Variants in CDK14 observed in about 807,000 individuals in gnomAD.
CDK14 encodes the protein cyclin dependent kinase 14, also known as cyclin-dependent kinase 14.
In CDK14, 34 loss-of-function variants were observed where a neutral mutation model predicts 60.7. That is an observed-to-expected ratio of 0.56 (90% CI 0.43 to 0.75). The LOEUF is 0.75. CDK14 is among the 30% of genes least tolerant of loss of function. CDK14 has a pLI of 0.00. For synonymous variants in CDK14, 197 were observed against 203.7 expected (o/e 0.97, Z 0.28); for missense variants, 482 against 564.1 (o/e 0.85, Z 1.47).
intron 9 of CDK14, among the ~76,000 whole-genome samples, chr7:90,963,086 AGTGTGTGTGTGTGTGT>A (rs34662049): frequency 1.4e-5 from 2 of 142,080 alleles, no homozygotes; most frequent in Admixed American, 7.2e-5. Context: ...TCATCTTAAG[AGTGTGTGTGTGTGTGT>A]GTGTGTGTGT....
chr7:90,926,742 C>T (rs570071033), intron 8 of CDK14, among the ~76,000 whole-genome samples: 194 of 152,300 alleles, frequency 1.3e-3, no homozygotes, highest in Non-Finnish European at 2.4e-3. Flanking sequence ...ACACTAACTA[C>T]GCAGTAGCAC....
chr7:90,983,590 G>A (rs1015626189), intron 9 of CDK14, among the ~76,000 whole-genome samples: 1 of 151,534 alleles, frequency 6.6e-6, no homozygotes, highest in Non-Finnish European at 1.5e-5. Context: ...TGAGACAGGA[G>A]AATGGCGTGA....
chr7:90,642,082 T>C (rs1462392154), intron 2 of CDK14, among the ~76,000 whole-genome samples: 2 of 152,220 alleles, frequency 1.3e-5, no homozygotes, highest in Non-Finnish European at 2.9e-5. Flanking sequence ...TTATGGGAGC[T>C]ACAAGATGAG....
intron 5 of CDK14, among the ~76,000 whole-genome samples, chr7:90,829,843 T>C (rs541194451): frequency 6.6e-6 from 1 of 152,332 alleles, no homozygotes; most frequent in Admixed American, 6.5e-5. Context: ...TCATTAAATC[T>C]TAAAGCTCCA....
At chr7:90,809,846 A>G (rs7799864) in intron 5 of CDK14, among the ~76,000 whole-genome samples, 55,913 of 152,086 alleles carry the variant, frequency 0.37, 10,820 homozygotes, top group East Asian at 0.63. Flanking sequence ...GAACACCTCT[A>G]TGCAAATAAA....
chr7:91,120,373 T>C (rs754441864), intron 14 of CDK14, among the ~76,000 whole-genome samples: 1 of 152,218 alleles, frequency 6.6e-6, no homozygotes, highest in African/African-American at 2.4e-5. Flanking sequence ...GTCATCAGTA[T>C]ATAAAAGCCT....
At position 90,837,641 on chromosome 7, in the gene CDK14, A is replaced by G. The variant is rs1014765654; in HGVS notation, c.545-25534A>G. ...GTGGGGAGAAAGACATGTTGGGCCTAGAGAAGCCTGGCCAGAGTATCAGAG... is the reference window on the plus strand; with the variant it reads ...GTGGGGAGAAAGACATGTTGGGCCTGGAGAAGCCTGGCCAGAGTATCAGAG... On this transcript the variant is annotated intron_variant, in intron 5 of 14. Coordinates refer to ENST00000380050, the MANE Select transcript of CDK14 (RefSeq NM_001287135.2). 3.3e-5 allele frequency among the ~76,000 whole-genome samples: 5 copies of G among 152,292 alleles called. No homozygotes were observed. In the East Asian group the frequency reaches 7.7e-4, roughly 24 times the overall value.
At chr7:90,628,135 T>G (rs1799913472) in intron 2 of CDK14, among the ~76,000 whole-genome samples, 1 of 152,084 alleles carries the variant, frequency 6.6e-6, no homozygotes, top group African/African-American at 2.4e-5. Flanking sequence ...TATTTTTATT[T>G]TTGTAGAGAC....
intron 2 of CDK14, among the ~76,000 whole-genome samples, chr7:90,647,937 T>C (rs1051547508): frequency 6.6e-6 from 1 of 152,208 alleles, no homozygotes; most frequent in African/African-American, 2.4e-5. Flanking sequence ...TCAGGAGCAA[T>C]GCATGTTTAC....
At chr7:90,872,227 G>A (rs940726099) in intron 6 of CDK14, among the ~76,000 whole-genome samples, 1 of 152,138 alleles carries the variant, frequency 6.6e-6, no homozygotes, top group African/African-American at 2.4e-5. Flanking sequence ...TTGTGTTTTA[G>A]TGTAAACAAT....
At chr7:91,158,609 G>C (rs4728955) in intron 14 of CDK14, among the ~76,000 whole-genome samples, 78,939 of 151,968 alleles carry the variant, frequency 0.52, 20,702 homozygotes, top group Middle Eastern at 0.59. Flanking sequence ...ATATTCTCTA[G>C]TTTTGGAGAA....
At chr7:90,923,493 T>C (rs367864309) in intron 8 of CDK14, among the ~76,000 whole-genome samples, 16 of 152,164 alleles carry the variant, frequency 1.1e-4, no homozygotes, top group African/African-American at 3.6e-4. Flanking sequence ...CTAATATGCA[T>C]ATACTATTCC....
chr7:90,853,778 A>G (rs2117188882), intron 5 of CDK14, among the ~76,000 whole-genome samples: 1 of 152,246 alleles, frequency 6.6e-6, no homozygotes, highest in Admixed American at 6.5e-5. Context: ...TTCCATCCTT[A>G]TAAACTTATA....
At chr7:91,046,187 T>C (rs1417754439) in intron 11 of CDK14, among the ~76,000 whole-genome samples, 1 of 152,188 alleles carries the variant, frequency 6.6e-6, no homozygotes, top group Non-Finnish European at 1.5e-5. Flanking sequence ...TTTATTTTAT[T>C]TGACTGGTTG....
chr7:90,956,617 A>G (rs1794421759), intron 9 of CDK14, among the ~76,000 whole-genome samples: 1 of 151,968 alleles, frequency 6.6e-6, no homozygotes, highest in East Asian at 1.9e-4. Context: ...TTATGTATTT[A>G]TTTATTATTA....
intron 14 of CDK14, among the ~76,000 whole-genome samples, chr7:91,160,094 GA>G (rs1391126267): frequency 6.6e-6 from 1 of 152,200 alleles, no homozygotes; most frequent in African/African-American, 2.4e-5. Flanking sequence ...GATCCACTCA[GA>G]TTGGGAAAAT....
Position 90,984,150 on chromosome 7 carries a change from G to A in CDK14, c.950G>A (p.Gly317Glu), listed in dbSNP as rs769725111. 6.3e-7 allele frequency: 1 copy of A among 1,595,194 alleles called. No homozygotes were observed. Among genetic ancestry groups the A allele is most frequent in the Non-Finnish European group, 8.6e-7 (1 of 1,162,896 alleles). The change falls in exon 10 of 15, where the codon GGA (glycine) becomes GAA (glutamate). Residue 317 changes from glycine to glutamate, a missense_variant and splice_region_variant. By Grantham distance (98) the Gly-to-Glu change is moderately conservative (BLOSUM62 -2). Transcript: ENST00000380050. ...TEYSTCLDMW[G>E]VGCIFVEMIQ... ...ACGATTCTTTCTTCTCTCTCTAGGG[G>A]AGTAGGTTGCATCTTTGTTGAAATG...
chr7:90,787,998 G>A (rs2116957285), intron 4 of CDK14, among the ~76,000 whole-genome samples: 1 of 152,304 alleles, frequency 6.6e-6, no homozygotes, highest in South Asian at 2.1e-4. Flanking sequence ...CTTTCAGTGT[G>A]TTACAAGGCA....
intron 14 of CDK14, among the ~76,000 whole-genome samples, chr7:91,199,925 T>C (rs1168546072): frequency 6.6e-6 from 1 of 152,238 alleles, no homozygotes; most frequent in Non-Finnish European, 1.5e-5. Context: ...ATGTGTTCTC[T>C]TCTAGGGGGA....
Sources: gnomAD v4.1 joint callset for allele counts (sites outside exome capture counted in the v4.1 genomes callset) on GRCh38, gnomAD v4.1.1 for gene constraint, MANE v1.5 for transcripts, NCBI Gene and HGNC (gene_info 2026-07-23, HGNC 2026-07-21) for gene names.